The following ADGRV1 variants were observed in gnomAD, a reference collection of about 807,000 sequenced individuals.
ADGRV1 encodes adhesion G protein-coupled receptor V1, also known as G-protein coupled receptor 98.
Under a neutral mutation model 596.2 loss-of-function variants are expected in ADGRV1, and 359 were observed. That is an observed-to-expected ratio of 0.60 (90% CI 0.55 to 0.66). ADGRV1 has a LOEUF of 0.66. Ranked by LOEUF, ADGRV1 falls within the 30% of genes least tolerant of loss-of-function variation. The pLI, the probability that ADGRV1 is intolerant of heterozygous loss-of-function variation, is 0.00. For synonymous variants in ADGRV1, 2,681 were observed against 2,679.2 expected (o/e 1.00, Z -0.02); for missense variants, 7,274 against 7,575.6 (o/e 0.96, Z 1.48).
rs760608953 is a variant in ADGRV1, at chr5:90,629,297, G to C, written c.1597G>C (p.Gly533Arg). ...MENQKIESSP[G>R]ERYLSLSFTR... ...AAACCAGAAGATTGAAAGCAGCCCA[G>C]GTGAACGATACTTATCCTTGAGTTT... The change falls in exon 9 of 90, where the codon GGT becomes CGT. Residue 533 changes from glycine to arginine, a missense_variant. Physicochemically the swap from Gly to Arg is moderately radical, Grantham distance 125. Around this residue, in one of 5 missense-constraint regions of ADGRV1, gnomAD observed 1,715 missense variants for 1,708.8 expected, o/e 1.00. Coordinates refer to ENST00000405460, the MANE Select transcript of ADGRV1 (RefSeq NM_032119.4). 1.2e-6 allele frequency: 2 copies of C among 1,613,374 alleles called. No homozygotes were observed. Among genetic ancestry groups the C allele is most frequent in the East Asian group, 2.2e-5 (1 of 44,844 alleles).
chr5:91,139,943 C>T (rs972271883), intron 87 of ADGRV1, among the ~76,000 whole-genome samples: 2 of 152,206 alleles, frequency 1.3e-5, no homozygotes, highest in Non-Finnish European at 2.9e-5. Context: ...CTTAATCTGA[C>T]TTGCCTGACC....
intron 31 of ADGRV1, 55 bp downstream of exon 31, chr5:90,691,096 G>A: frequency 1.3e-6 from 2 of 1,596,188 alleles, no homozygotes; most frequent in Non-Finnish European, 1.7e-6. Flanking sequence ...TATCTATAGT[G>A]ACTAGAACAG....
At chr5:91,121,332 T>TC (rs1446559338) in intron 87 of ADGRV1, among the ~76,000 whole-genome samples, 1 of 152,162 alleles carries the variant, frequency 6.6e-6, no homozygotes, top group African/African-American at 2.4e-5. Flanking sequence ...TCTAACTTGT[T>TC]CCATGAATGC....
intron 83 of ADGRV1, among the ~76,000 whole-genome samples, chr5:90,942,091 T>C (rs892693738): frequency 1.3e-5 from 2 of 152,170 alleles, no homozygotes; most frequent in Non-Finnish European, 2.9e-5. Flanking sequence ...TAATTTGCAT[T>C]GTTAACTAGC....
At chr5:91,078,297 G>GT (rs1276005229) in intron 86 of ADGRV1, among the ~76,000 whole-genome samples, 1 of 151,998 alleles carries the variant, frequency 6.6e-6, no homozygotes, top group African/African-American at 2.4e-5. Flanking sequence ...TACTCTTGTC[G>GT]TTTTTAAAAT....
intron 85 of ADGRV1, among the ~76,000 whole-genome samples, chr5:90,994,222 C>T (rs1229539656): frequency 6.6e-6 from 1 of 151,904 alleles, no homozygotes; most frequent in Admixed American, 6.6e-5. Flanking sequence ...ACCATGACAC[C>T]CAGCTAATTT....
chr5:90,661,597 A>G (rs1770305760), intron 21 of ADGRV1, among the ~76,000 whole-genome samples: 1 of 152,194 alleles, frequency 6.6e-6, no homozygotes, highest in African/African-American at 2.4e-5. Flanking sequence ...TATTTTTTCT[A>G]AGAAAATAGG....
At chr5:90,965,693 A>G in intron 84 of ADGRV1, among the ~76,000 whole-genome samples, 162 bp downstream of exon 84, 1 of 152,234 alleles carries the variant, frequency 6.6e-6, no homozygotes, top group South Asian at 2.1e-4. Flanking sequence ...TATAAGCTGT[A>G]CAACAGTAGA....
intron 83 of ADGRV1, among the ~76,000 whole-genome samples, chr5:90,955,790 T>C (rs529359086): frequency 6.6e-6 from 1 of 152,158 alleles, no homozygotes; most frequent in Non-Finnish European, 1.5e-5. Flanking sequence ...AAAATATACG[T>C]GTATGTAGCA....
At chr5:90,935,754 C>G (rs1164428759) in intron 83 of ADGRV1, among the ~76,000 whole-genome samples, 1 of 152,136 alleles carries the variant, frequency 6.6e-6, no homozygotes, top group Non-Finnish European at 1.5e-5. Context: ...TGACTCGAGG[C>G]AGTGTTTCTT....
intron 83 of ADGRV1, among the ~76,000 whole-genome samples, chr5:90,884,749 A>G (rs1395642381): frequency 1.3e-5 from 2 of 152,158 alleles, no homozygotes; most frequent in African/African-American, 2.4e-5. Context: ...GCATAGCACA[A>G]TAATCGTCTT....
Position 91,103,669 on chromosome 5 carries a change from A to G in ADGRV1, c.18432+1329A>G, listed in dbSNP as rs560396231. On this transcript the variant is annotated intron_variant, in intron 87 of 89. Coordinates refer to ENST00000405460, the MANE Select transcript of ADGRV1 (RefSeq NM_032119.4). The stretch of plus-strand genomic sequence containing the variant: ...AACTTTTAAAATTGAGAATTTTCAC[A>G]TTAAAAACCTGAATTGCTGGCTTTT... Among the ~76,000 whole-genome samples the G allele has an allele frequency of 2.5e-3, 377 of 152,274 alleles. 1 individual carries two copies. The highest frequency in any genetic ancestry group is 8.5e-3 in the African/African-American group (354 of 41,550).
intron 21 of ADGRV1, among the ~76,000 whole-genome samples, chr5:90,671,755 CATAAAA>C (rs1372358755): frequency 6.6e-6 from 1 of 151,984 alleles, no homozygotes; most frequent in African/African-American, 2.4e-5. Flanking sequence ...TATTTGCTAA[CATAAAA>C]ATAAAATTGA....
chr5:90,888,159 G>A (rs1312340145), intron 83 of ADGRV1, among the ~76,000 whole-genome samples: 2 of 152,130 alleles, frequency 1.3e-5, no homozygotes, highest in African/African-American at 4.8e-5. Context: ...CAATGTGTAT[G>A]AGATCTGTCA....
chr5:90,595,094 GCAGCTGGCCGGGCGGGGGGCTGACC>G (rs1760113117), intron 1 of ADGRV1, among the ~76,000 whole-genome samples: 1 of 137,592 alleles, frequency 7.3e-6, no homozygotes, highest in Non-Finnish European at 1.6e-5. Context: ...CCCGGACGGG[GCAGCTGGCCGGGCGGGGGGCTGACC>G]CCCCCACCTC....
At chr5:90,937,633 A>G (rs569358205) in intron 83 of ADGRV1, among the ~76,000 whole-genome samples, 39 of 151,918 alleles carry the variant, frequency 2.6e-4, no homozygotes, top group African/African-American at 8.7e-4. Context: ...AATTTTTTGT[A>G]TTTTTAGTAG....
chr5:90,675,488 A>T (rs372980982), intron 24 of ADGRV1, 43 bp downstream of exon 24: 77 of 1,524,492 alleles, frequency 5.1e-5, no homozygotes, highest in Non-Finnish European at 6.7e-5. Context: ...GCACTTGTAA[A>T]ACAGACATAA....
chr5:90,999,577 T>C (rs894128024), intron 85 of ADGRV1, among the ~76,000 whole-genome samples: 2 of 152,080 alleles, frequency 1.3e-5, no homozygotes, highest in Admixed American at 6.6e-5. Context: ...AGAGTTGTAA[T>C]GATAGAGATA....
rs150837640 is a variant in ADGRV1, at chr5:90,755,384, T to C, written c.11580+199T>C. On this transcript the variant is annotated intron_variant, in intron 55 of 89. Transcript: ENST00000405460. The stretch of plus-strand genomic sequence containing the variant: ...TTATAACTGGCTGGCAAAAATGATG[T>C]CTATTACTTGTATTTATTCTTGAAC... Among the ~76,000 whole-genome samples the C allele has an allele frequency of 6.0e-3, 909 of 152,294 alleles. 4 individuals carry two copies. The highest frequency in any genetic ancestry group is 9.7e-3 in the Non-Finnish European group (660 of 68,006).
Sources: gnomAD v4.1 joint callset for allele counts (sites outside exome capture counted in the v4.1 genomes callset) on GRCh38, gnomAD v4.1.1 for gene constraint, gnomAD v4.1.1 regional missense constraint, MANE v1.5 for transcripts, NCBI Gene and HGNC (gene_info 2026-07-23, HGNC 2026-07-21) for gene names.